The following PTPRD variants were observed in gnomAD, a reference collection of about 807,000 sequenced individuals.
PTPRD encodes receptor-type tyrosine-protein phosphatase delta.
Under a neutral mutation model 214.5 loss-of-function variants are expected in PTPRD, and 34 were observed. That is an observed-to-expected ratio of 0.16 (90% CI 0.12 to 0.21). The LOEUF (loss-of-function observed/expected upper bound fraction) is 0.21, where lower values mean the gene tolerates loss of function less well. Among genes scored for constraint, PTPRD ranks in the 10% least tolerant of loss-of-function variants. PTPRD has a pLI of 1.00. For synonymous variants in PTPRD, 1,128 were observed against 845.7 expected (o/e 1.33, Z -5.79); for missense variants, 2,545 against 2,398.7 (o/e 1.06, Z -1.27).
intron 7 of PTPRD, among the ~76,000 whole-genome samples, chr9:9,610,647 G>A (rs140132042): frequency 6.6e-6 from 1 of 152,186 alleles, no homozygotes; most frequent in East Asian, 1.9e-4. Flanking sequence ...AACTTGAGAA[G>A]GATGAAAGAT....
intron 12 of PTPRD, among the ~76,000 whole-genome samples, chr9:8,690,876 T>C (rs958617534): frequency 6.6e-6 from 1 of 152,168 alleles, no homozygotes; most frequent in African/African-American, 2.4e-5. Flanking sequence ...GACCTCCCTT[T>C]TAACAGACAA....
At chr9:9,744,012 T>G (rs1223779369) in intron 6 of PTPRD, among the ~76,000 whole-genome samples, 1 of 152,118 alleles carries the variant, frequency 6.6e-6, no homozygotes, top group Non-Finnish European at 1.5e-5. Flanking sequence ...GGGCAGCATC[T>G]TGATGACGTC....
intron 17 of PTPRD, 93 bp downstream of exon 17, chr9:8,526,534 G>A (rs2139314396): frequency 5.2e-6 from 6 of 1,147,482 alleles, no homozygotes; most frequent in Non-Finnish European, 7.2e-6. Context: ...GACATTATTG[G>A]AATGACGCTG....
At chr9:10,166,680 GTTC>G (rs2099161199) in intron 3 of PTPRD, among the ~76,000 whole-genome samples, 1 of 152,058 alleles carries the variant, frequency 6.6e-6, no homozygotes, top group African/African-American at 2.4e-5. Flanking sequence ...AAACAAAATT[GTTC>G]TTCTTCCCTA....
At chr9:9,147,063 T>A (rs2099869805) in intron 10 of PTPRD, among the ~76,000 whole-genome samples, 1 of 152,154 alleles carries the variant, frequency 6.6e-6, no homozygotes, top group Admixed American at 6.6e-5. Context: ...CAAATTGGAA[T>A]AATAAGTTAG....
intron 14 of PTPRD, among the ~76,000 whole-genome samples, chr9:8,602,365 T>C (rs373609849): frequency 4.6e-5 from 7 of 152,154 alleles, no homozygotes; most frequent in African/African-American, 1.7e-4. Context: ...AAGCCTTTGG[T>C]GGTGCTTCTT....
At chr9:8,950,872 A>G (rs753699257) in intron 11 of PTPRD, among the ~76,000 whole-genome samples, 11 of 152,056 alleles carry the variant, frequency 7.2e-5, no homozygotes, top group African/African-American at 2.4e-4. Flanking sequence ...CTACTTGTTC[A>G]GATTTTATTG....
chr9:8,872,809 C>G (rs1376833740), intron 11 of PTPRD, among the ~76,000 whole-genome samples: 3 of 152,160 alleles, frequency 2.0e-5, no homozygotes, highest in South Asian at 2.1e-4. Context: ...GCCAGTACAA[C>G]AAGAAACCAG....
chr9:10,474,437 T>C (rs915775961), intron 2 of PTPRD, among the ~76,000 whole-genome samples: 1 of 151,962 alleles, frequency 6.6e-6, no homozygotes, highest in Admixed American at 6.6e-5. Context: ...AAAGAAGAGC[T>C]AGCTATCCTA....
At chr9:8,489,620 A>G (rs2097107962) in intron 27 of PTPRD, among the ~76,000 whole-genome samples, 1 of 152,242 alleles carries the variant, frequency 6.6e-6, no homozygotes, top group Non-Finnish European at 1.5e-5. Context: ...TAAAATTTCC[A>G]TAAGCATGTG....
chr9:9,917,978 G>C (rs531987833), intron 5 of PTPRD, among the ~76,000 whole-genome samples: 3 of 152,128 alleles, frequency 2.0e-5, no homozygotes, highest in African/African-American at 7.2e-5. Flanking sequence ...TCAGTGAAAA[G>C]CTGGTATCTT....
chr9:9,337,218 T>G (rs1056410036), intron 9 of PTPRD, among the ~76,000 whole-genome samples: 1 of 152,100 alleles, frequency 6.6e-6, no homozygotes, highest in Non-Finnish European at 1.5e-5. Flanking sequence ...ACTGACAAAA[T>G]GCAACATTAT....
chr9:9,870,429 T>C (rs992568180), intron 5 of PTPRD, among the ~76,000 whole-genome samples: 1 of 152,006 alleles, frequency 6.6e-6, no homozygotes, highest in Non-Finnish European at 1.5e-5. Flanking sequence ...GATTTTCATA[T>C]ATCCACAGAA....
intron 11 of PTPRD, among the ~76,000 whole-genome samples, chr9:9,013,069 G>A (rs1002475942): frequency 6.6e-6 from 1 of 152,150 alleles, no homozygotes; most frequent in Admixed American, 6.6e-5. Context: ...AGATAGCACA[G>A]ATAATCTTGT....
intron 11 of PTPRD, among the ~76,000 whole-genome samples, chr9:8,897,648 G>C (rs2098630961): frequency 6.6e-6 from 1 of 152,164 alleles, no homozygotes; most frequent in African/African-American, 2.4e-5. Context: ...GTACCAACCT[G>C]AACAATGCTT....
chr9:8,564,963 G>A (rs577475811), intron 14 of PTPRD, among the ~76,000 whole-genome samples: 2 of 152,132 alleles, frequency 1.3e-5, no homozygotes, highest in African/African-American at 2.4e-5. Context: ...TGTAGCCACT[G>A]GTTGGATAAA....
intron 5 of PTPRD, among the ~76,000 whole-genome samples, chr9:9,929,219 G>A (rs1304059811): frequency 6.6e-6 from 1 of 152,122 alleles, no homozygotes; most frequent in African/African-American, 2.4e-5. Flanking sequence ...GAATGATGAA[G>A]GATTATCAAG....
intron 14 of PTPRD, among the ~76,000 whole-genome samples, chr9:8,584,193 A>G (rs914817434): frequency 1.3e-5 from 2 of 152,178 alleles, no homozygotes; most frequent in African/African-American, 2.4e-5. Context: ...ATAAAAATAA[A>G]TAAGAAGCAA....
chr9:9,947,578 TATATATA>T (rs2092924671), intron 4 of PTPRD, among the ~76,000 whole-genome samples: 2 of 50,800 alleles, frequency 3.9e-5, no homozygotes, highest in Admixed American at 3.6e-4. Flanking sequence ...ATATATATTA[TATATATA>T]TTATATATAT....
Sources: gnomAD v4.1 joint callset for allele counts (sites outside exome capture counted in the v4.1 genomes callset) on GRCh38, gnomAD v4.1.1 for gene constraint, MANE v1.5 for transcripts, NCBI Gene and HGNC (gene_info 2026-07-23, HGNC 2026-07-21) for gene names.